PCDH18: variants seen among roughly 807,000 people sequenced by gnomAD.
The protein encoded by PCDH18 is protocadherin-18.
A neutral mutation model predicts 71.5 loss-of-function variants in PCDH18; 38 were observed. The ratio of observed to expected loss-of-function variants is 0.53; its 90% CI spans 0.41 to 0.70. The LOEUF is 0.70. Ranked by LOEUF, PCDH18 falls within the 30% of genes least tolerant of loss-of-function variation. The probability of loss-of-function intolerance (pLI) is 0.00; values close to 1 mark genes in which losing one functional copy is unlikely to be tolerated. For missense variants in PCDH18, 1,334 were observed against 1,384.6 expected (o/e 0.96, Z 0.58); for synonymous variants, 565 against 505.4 (o/e 1.12, Z -1.58).
At position 137,532,255 on chromosome 4, in the gene PCDH18, C is replaced by T. The variant is rs573346896; in HGVS notation, c.-167G>A. On this transcript the variant is annotated 5_prime_UTR_variant, in exon 1 of 4. Transcript: ENST00000344876. ...TCGCAAACTTTTGTTTTATACACAC[C>T]GTGTCACGACTTCCAGATACCTTCG... 1 of 711,196 alleles carries T rather than the reference C, an allele frequency of 1.4e-6. No homozygotes were observed. Among genetic ancestry groups the T allele is most frequent in the Non-Finnish European group, 2.6e-6 (1 of 390,996 alleles). 44.1% of individuals were successfully genotyped at this position (711,196 alleles called of 1,614,324 possible).
In PCDH18 at chr4:137,530,086, G is replaced by C; in HGVS notation, c.2003C>G (p.Thr668Ser). The change falls in exon 1 of 4, where the codon ACC becomes AGC. Residue 668 changes from threonine (T) to serine (S), a missense_variant. Coordinates refer to ENST00000344876, the MANE Select transcript of PCDH18 (RefSeq NM_019035.5). ...GATCATGCACTTCAGAAGGACTTTG[G>C]TATGTAGCTGAGGATTGCCTTTGTC... is the stretch of plus-strand genomic sequence containing the variant. Reference protein sequence around the residue: ...IQDKGNPQLHTKVLLKCMIFE... With the variant: ...IQDKGNPQLHSKVLLKCMIFE... 6.2e-7 allele frequency: 1 copy of C among 1,614,026 alleles called. No homozygotes were observed. Among genetic ancestry groups the C allele is most frequent in the Non-Finnish European group, 8.5e-7 (1 of 1,179,906 alleles).
Position 137,531,809 on chromosome 4 carries a change from G to T in PCDH18, c.280C>A (p.Arg94Ser). 6.2e-7 allele frequency: 1 copy of T among 1,614,096 alleles called. No homozygotes were observed. The highest frequency in any genetic ancestry group is 8.5e-7 in the Non-Finnish European group (1 of 1,180,008). Residue 94 changes from arginine (R) to serine (S), a missense_variant, in exon 1 of 4, where the codon CGT (arginine) becomes AGT (serine). Transcript: ENST00000344876. ...GEISIGATID[R>S]EQLCQKNLNC... ...AAGTTTTTCTGGCACAGTTGTTCACGGTCAATTGTAGCCCCTATGCTGATT... is the reference window on the plus strand; with the variant it reads ...AAGTTTTTCTGGCACAGTTGTTCACTGTCAATTGTAGCCCCTATGCTGATT...
Position 137,521,018 on chromosome 4 carries a change from G to A in PCDH18, c.*11C>T, listed in dbSNP as rs759055223. ...ATATACATGGAAACAAAAATGCTTC[G>A]CTAAAATCTCCTAGCTCTGGCGGAC... On this transcript the variant is annotated 3_prime_UTR_variant, in exon 4 of 4. Transcript: ENST00000344876. The A allele has an allele frequency of 7.8e-6, 12 of 1,546,022 alleles. No homozygotes were observed. The highest frequency in any genetic ancestry group is 2.5e-5 in the South Asian group (2 of 80,766).
chr4:137,523,339 C>CT (rs56713394), intron 3 of PCDH18, among the ~76,000 whole-genome samples: 27,167 of 146,464 alleles, frequency 0.19, 2,930 homozygotes, highest in East Asian at 0.35. Context: ...TGTTTACCAA[C>CT]TTTTTTTTTT....
At chr4:137,528,932 C>A in intron 1 of PCDH18, 112 bp from the exon 2 acceptor site, 1 of 796,912 alleles carries the variant, frequency 1.3e-6, no homozygotes, top group Non-Finnish European at 2.1e-6. Context: ...TGAATATATT[C>A]TCTCTATTTA....
Position 137,532,401 on chromosome 4 carries a change from G to T in PCDH18, c.-313C>A. On this transcript the variant is annotated 5_prime_UTR_variant, in exon 1 of 4. Transcript: ENST00000344876. ...CCATCTATTGCAGGGTGCCGGTGGAGTCTGCAGTGTGTCTTTCCTGAGCGA... is the reference window on the plus strand; with the variant it reads ...CCATCTATTGCAGGGTGCCGGTGGATTCTGCAGTGTGTCTTTCCTGAGCGA... 1 of 699,346 alleles carries T rather than the reference G, an allele frequency of 1.4e-6. No individual in the cohort carries two copies. The highest frequency in any genetic ancestry group is 2.6e-6 in the Non-Finnish European group (1 of 383,550). The allele number at this position is 699,346 out of a possible 1,614,324, so 43.3% of individuals were successfully genotyped here. A position where few individuals can be genotyped will look rare whatever the true frequency, so the allele number is the denominator to read the frequency against.
chr4:137,529,631 C>A lies in PCDH18; in HGVS notation c.2458G>T (p.Glu820Ter). 1 of 1,610,306 alleles carries A rather than the reference C, an allele frequency of 6.2e-7. No homozygotes were observed. Among genetic ancestry groups the A allele is most frequent in the Non-Finnish European group, 8.5e-7 (1 of 1,177,908 alleles). The part of the protein sequence containing the change: ...SNHVPENFSL[E>*]LTHATPAVEQ... ...ACAGCAGGAGTGGCGTGGGTGAGTT[C>A]TAATGAGAAATTCTCTGGCACGTGG... Residue 820 changes from glutamate to a stop codon, truncating the protein, a stop_gained, in exon 1 of 4, where the codon GAA becomes TAA. Coordinates refer to ENST00000344876, the MANE Select transcript of PCDH18 (RefSeq NM_019035.5). LOFTEE classifies it high-confidence loss of function.
chr4:137,526,958 TAAAAAAA>T (rs750084137), intron 3 of PCDH18, among the ~76,000 whole-genome samples: 3 of 127,734 alleles, frequency 2.3e-5, no homozygotes, highest in Middle Eastern at 3.7e-3. Flanking sequence ...TTCCAAATCT[TAAAAAAA>T]AAAAAAAAAA....
intron 3 of PCDH18, among the ~76,000 whole-genome samples, chr4:137,523,217 A>G (rs888558698): frequency 6.6e-6 from 1 of 152,176 alleles, no homozygotes; most frequent in Non-Finnish European, 1.5e-5. Context: ...CGTAAGCATG[A>G]AGAAAAATTG....
At chr4:137,523,813 A>G (rs1225364729) in intron 3 of PCDH18, among the ~76,000 whole-genome samples, 3 of 152,236 alleles carry the variant, frequency 2.0e-5, no homozygotes, top group African/African-American at 7.2e-5. Context: ...GAAATTTTTT[A>G]AACAGTGAAT....
Position 137,528,460 on chromosome 4 carries a change from CTA to C in PCDH18, c.2740+16_2740+17del. ...CGGTAGACCTGAAAATAAAGATTTT[CTA>C]TCACTACCCTCTTACCTGCTGGAAT... On this transcript the variant is annotated intron_variant, in intron 3 of 3. Transcript: ENST00000344876. 2 of 1,605,836 alleles carry C rather than the reference CTA, an allele frequency of 1.2e-6. No homozygotes were observed. Among genetic ancestry groups the C allele is most frequent in the South Asian group, 2.2e-5 (2 of 89,886 alleles).
At chr4:137,525,727 G>T (rs572290401) in intron 3 of PCDH18, among the ~76,000 whole-genome samples, 3 of 152,170 alleles carry the variant, frequency 2.0e-5, no homozygotes, top group Non-Finnish European at 4.4e-5. Context: ...ATGGAGGCAG[G>T]TACCTAGTAA....
chr4:137,521,614 A>G lies in PCDH18; in HGVS notation c.2823T>C (p.Ser941=). 1 of 1,613,796 alleles carries G rather than the reference A, an allele frequency of 6.2e-7. No individual in the cohort carries two copies. Among genetic ancestry groups the G allele is most frequent in the Non-Finnish European group, 8.5e-7 (1 of 1,180,016 alleles). Residue 941 remains serine (S), a synonymous_variant, in exon 4 of 4, where the codon TCT becomes TCC. Coordinates refer to ENST00000344876, the MANE Select transcript of PCDH18 (RefSeq NM_019035.5). ...GAATGAACATGTTACTCCTATAATC[A>G]GAAGACGGTGAGGGCAGTGGTGGCA... ...CWMPPLPSPS[S]DYRSNMFIPG...
intron 3 of PCDH18, among the ~76,000 whole-genome samples, chr4:137,523,879 A>G (rs1479324793): frequency 6.6e-6 from 1 of 152,196 alleles, no homozygotes; most frequent in Non-Finnish European, 1.5e-5. Context: ...AAAATAATAA[A>G]TTAACTTAAA....
At chr4:137,526,018 A>G (rs921605078) in intron 3 of PCDH18, among the ~76,000 whole-genome samples, 4 of 151,954 alleles carry the variant, frequency 2.6e-5, no homozygotes, top group Middle Eastern at 3.4e-3. Context: ...CAGTGTCTTT[A>G]TTCCTTAACA....
Position 137,532,384 on chromosome 4 carries a change from T to G in PCDH18, c.-296A>C. 1 of 701,904 alleles carries G rather than the reference T, an allele frequency of 1.4e-6. No individual in the cohort carries two copies. Among genetic ancestry groups the G allele is most frequent in the Non-Finnish European group, 2.6e-6 (1 of 384,776 alleles). 43.5% of individuals were successfully genotyped at this position (701,904 alleles called of 1,614,324 possible). A position where few individuals can be genotyped will look rare whatever the true frequency, so the allele number is the denominator to read the frequency against. The stretch of plus-strand genomic sequence containing the variant: ...CCTTGTGTAGTCGGAATCCATCTAT[T>G]GCAGGGTGCCGGTGGAGTCTGCAGT... On this transcript the variant is annotated 5_prime_UTR_variant, in exon 1 of 4. Transcript: ENST00000344876.
intron 3 of PCDH18, among the ~76,000 whole-genome samples, chr4:137,522,959 C>A (rs895432261): frequency 6.6e-6 from 1 of 152,070 alleles, no homozygotes; most frequent in Admixed American, 6.6e-5. Context: ...TGATTGAAGG[C>A]GTAGAAATTG....
At position 137,531,012 on chromosome 4, in the gene PCDH18, C is replaced by T; in HGVS notation, c.1077G>A (p.Met359Ile). 6.2e-7 allele frequency: 1 copy of T among 1,610,330 alleles called. No individual in the cohort carries two copies. Among genetic ancestry groups the T allele is most frequent in the South Asian group, 1.1e-5 (1 of 90,720 alleles). Reference sequence around the variant, plus strand: ...AAGATATTTCTTCTTTTCCAGGGGACATGAGGTTGATGTTAATTTCAGGTT... The same window carrying T: ...AAGATATTTCTTCTTTTCCAGGGGATATGAGGTTGATGTTAATTTCAGGTT... ...DNKPEININL[M>I]SPGKEEISYI... Residue 359 changes from methionine (M) to isoleucine (I), a missense_variant, in exon 1 of 4, where the codon ATG becomes ATA. By Grantham distance (10) the Met-to-Ile change is conservative. Transcript: ENST00000344876.
At position 137,529,701 on chromosome 4, in the gene PCDH18, G is replaced by A; in HGVS notation, c.2388C>T (p.His796=). Residue 796 remains histidine (H), a synonymous_variant, in exon 1 of 4, where the codon CAC becomes CAT. Transcript: ENST00000344876. ...ERGQMGSRQS[H]NSHQSLNSLV... Reference sequence around the variant, plus strand: ...AACTGTTGAGTGACTGGTGACTGTTGTGACTCTGCCGGCTGCCCATCTGCC... The same window carrying A: ...AACTGTTGAGTGACTGGTGACTGTTATGACTCTGCCGGCTGCCCATCTGCC... The A allele has an allele frequency of 6.2e-7, 1 of 1,613,930 alleles. No homozygotes were observed. Among genetic ancestry groups the A allele is most frequent in the Non-Finnish European group, 8.5e-7 (1 of 1,179,894 alleles).
Sources: gnomAD v4.1 joint callset for allele counts (sites outside exome capture counted in the v4.1 genomes callset) on GRCh38, gnomAD v4.1.1 for gene constraint, MANE v1.5 for transcripts, NCBI Gene and HGNC (gene_info 2026-07-23, HGNC 2026-07-21) for gene names.